LANCL2: variants seen among roughly 807,000 people sequenced by gnomAD.
LANCL2 encodes LanC like glutathione S-transferase 2, also known as lanC-like protein 2.
Under a neutral mutation model 56.9 loss-of-function variants are expected in LANCL2, and 33 were observed. The observed-to-expected ratio is 0.58, with a 90% confidence interval of 0.44 to 0.78. The LOEUF (loss-of-function observed/expected upper bound fraction) is 0.78. Ranked by LOEUF, LANCL2 falls within the 30% of genes least tolerant of loss-of-function variation. The pLI, the probability that LANCL2 is intolerant of heterozygous loss-of-function variation, is 0.00. For missense variants in LANCL2, 562 were observed against 580.2 expected (o/e 0.97, Z 0.32); for synonymous variants, 233 against 228.2 (o/e 1.02, Z -0.19).
intron 5 of LANCL2, 23 bp from the exon 6 acceptor site, chr7:55,411,884 G>T: frequency 6.3e-7 from 1 of 1,589,910 alleles, no homozygotes; most frequent in Non-Finnish European, 8.6e-7. Flanking sequence ...AATAATTTGT[G>T]TTTCATTTTT....
intron 1 of LANCL2, among the ~76,000 whole-genome samples, chr7:55,373,465 A>AT (rs1368500068): frequency 2.5e-4 from 37 of 149,938 alleles, no homozygotes; most frequent in South Asian, 1.7e-3. Context: ...TAATTTTTAA[A>AT]TTTTTTGTGT....
intron 2 of LANCL2, among the ~76,000 whole-genome samples, chr7:55,393,437 C>T (rs982623574): frequency 6.6e-6 from 1 of 152,056 alleles, no homozygotes; most frequent in Non-Finnish European, 1.5e-5. Context: ...AACGCTGAAG[C>T]AGGAGAATCA....
chr7:55,397,876 C>T (rs1304485466), intron 2 of LANCL2, among the ~76,000 whole-genome samples: 1 of 151,616 alleles, frequency 6.6e-6, no homozygotes, highest in African/African-American at 2.4e-5. Flanking sequence ...TGTGGCTGCT[C>T]CAGAAATGGC....
At chr7:55,407,707 A>G (rs1314651546) in intron 5 of LANCL2, among the ~76,000 whole-genome samples, 2 of 152,018 alleles carry the variant, frequency 1.3e-5, no homozygotes, top group African/African-American at 4.8e-5. Flanking sequence ...CTGCTTTCAG[A>G]CTCCAGCTGC....
intron 2 of LANCL2, among the ~76,000 whole-genome samples, chr7:55,396,078 T>C (rs568390526): frequency 6.6e-6 from 1 of 152,396 alleles, no homozygotes; most frequent in African/African-American, 2.4e-5. Flanking sequence ...TATGGTATTA[T>C]GATTACGATC....
At chr7:55,377,370 G>T (rs576870479) in intron 1 of LANCL2, among the ~76,000 whole-genome samples, 2 of 152,228 alleles carry the variant, frequency 1.3e-5, no homozygotes, top group East Asian at 3.9e-4. Context: ...CGTTTTTCAA[G>T]AATATAACTG....
intron 4 of LANCL2, among the ~76,000 whole-genome samples, chr7:55,400,721 A>G (rs906180536): frequency 6.6e-6 from 1 of 152,202 alleles, no homozygotes; most frequent in African/African-American, 2.4e-5. Flanking sequence ...CCCAGACATG[A>G]TATTCTGTTG....
chr7:55,401,332 T>C lies in LANCL2; in HGVS notation c.825+12T>C. 1 of 1,609,390 alleles carries C rather than the reference T, an allele frequency of 6.2e-7. No individual in the cohort carries two copies. The highest frequency in any genetic ancestry group is 8.5e-7 in the Non-Finnish European group (1 of 1,175,824). ...ATATGTTAATGCAGGTAGGTAAGAATACTCTTACACACTACAGTATATTTG... is the reference window on the plus strand; with the variant it reads ...ATATGTTAATGCAGGTAGGTAAGAACACTCTTACACACTACAGTATATTTG... On this transcript the variant is annotated intron_variant, in intron 5 of 8. Transcript: ENST00000254770.
Position 55,413,105 on chromosome 7 carries a change from G to A in LANCL2, c.1008+1016G>A, listed in dbSNP as rs185159786. 5.9e-5 allele frequency among the ~76,000 whole-genome samples: 9 copies of A among 152,268 alleles called. No individual in the cohort carries two copies. In the South Asian group the frequency reaches 6.2e-4, roughly 10 times the overall value. On this transcript the variant is annotated intron_variant, in intron 6 of 8. Coordinates refer to ENST00000254770, the MANE Select transcript of LANCL2 (RefSeq NM_018697.4). ...TCAAGAAAACAACTCAGAAAGTTAC[G>A]ACGTTTGGTCAGTGAAACACAATGA...
intron 1 of LANCL2, among the ~76,000 whole-genome samples, chr7:55,387,373 A>G (rs1048294119): frequency 6.6e-6 from 1 of 152,244 alleles, no homozygotes; most frequent in African/African-American, 2.4e-5. Context: ...GCACTAGGCC[A>G]CAATAACAGA....
At chr7:55,368,543 C>T (rs1583738079) in intron 1 of LANCL2, among the ~76,000 whole-genome samples, 1 of 152,278 alleles carries the variant, frequency 6.6e-6, no homozygotes, top group South Asian at 2.1e-4. Context: ...ATGAGTTGAA[C>T]ACTGTCTTCC....
chr7:55,417,328 T>C (rs1035967965), intron 6 of LANCL2, among the ~76,000 whole-genome samples: 7 of 152,100 alleles, frequency 4.6e-5, no homozygotes, highest in Non-Finnish European at 2.9e-5. Flanking sequence ...CCCATACCTT[T>C]TGTGGAAAAG....
intron 5 of LANCL2, among the ~76,000 whole-genome samples, chr7:55,401,826 C>T (rs1790332033): frequency 1.6e-5 from 2 of 127,126 alleles, no homozygotes; most frequent in South Asian, 4.9e-4. Context: ...TGAGTGGACA[C>T]AGCACATGTT....
intron 5 of LANCL2, among the ~76,000 whole-genome samples, chr7:55,410,581 G>A (rs907542119): frequency 2.6e-5 from 4 of 152,174 alleles, no homozygotes; most frequent in South Asian, 4.1e-4. Flanking sequence ...AGTACTTTAC[G>A]TCACCCCTGA....
rs1419558558 is a variant in LANCL2 at position 55,401,261 on chromosome 7, C to T, written c.766C>T (p.Arg256Trp). ...CTGCCCGCTGTTGTACCAGTGGCACCGGAAGCAGTACGTTGGAGCAGCCCA... is the reference window on the plus strand; with the variant it reads ...CTGCCCGCTGTTGTACCAGTGGCACTGGAAGCAGTACGTTGGAGCAGCCCA... ...ERCPLLYQWH[R>W]KQYVGAAHGM... Residue 256 changes from arginine to tryptophan, a missense_variant, in exon 5 of 9, where the codon CGG (arginine) becomes TGG (tryptophan). Coordinates refer to ENST00000254770, the MANE Select transcript of LANCL2 (RefSeq NM_018697.4). 7.4e-6 allele frequency: 12 copies of T among 1,613,914 alleles called. No homozygotes were observed. Among genetic ancestry groups the T allele is most frequent in the Admixed American group, 1.7e-5 (1 of 60,010 alleles).
rs1365949632 is a variant in LANCL2, at chr7:55,432,397, T to C, written c.*1077T>C. The C allele has an allele frequency of 4.6e-5, 7 of 152,264 alleles. No individual in the cohort carries two copies. The highest frequency in any genetic ancestry group is 2.6e-4 in the Admixed American group (4 of 15,280). 9.4% of individuals were successfully genotyped at this position (152,264 alleles called of 1,614,324 possible). On this transcript the variant is annotated 3_prime_UTR_variant, in exon 9 of 9. Transcript: ENST00000254770. ...TATAGATATGAGAAACATAATGTTC[T>C]AACCAACAACATTATGGTATTTGTG...
chr7:55,408,221 T>C (rs1282612903), intron 5 of LANCL2, among the ~76,000 whole-genome samples: 1 of 152,186 alleles, frequency 6.6e-6, no homozygotes, highest in Non-Finnish European at 1.5e-5. Flanking sequence ...CAAAGTCACA[T>C]ATCTTAGAAA....
intron 5 of LANCL2, among the ~76,000 whole-genome samples, chr7:55,403,810 T>C (rs1345887057): frequency 2.0e-5 from 3 of 151,990 alleles, no homozygotes; most frequent in Non-Finnish European, 4.4e-5. Context: ...GACCTCATGA[T>C]CCGCCCACGT....
intron 5 of LANCL2, among the ~76,000 whole-genome samples, chr7:55,406,108 T>A (rs577763385): frequency 6.6e-6 from 1 of 152,218 alleles, no homozygotes; most frequent in Non-Finnish European, 1.5e-5. Context: ...CCAAGCCAGG[T>A]GGCCGAATGT....
Sources: allele counts gnomAD v4.1 joint callset (sites outside exome capture counted in the v4.1 genomes callset), GRCh38; gene constraint gnomAD v4.1.1; transcripts MANE v1.5; gene names NCBI Gene and HGNC (gene_info 2026-07-23, HGNC 2026-07-21).